Variants in SLC28A1 observed in about 807,000 individuals in gnomAD.
SLC28A1 encodes the protein solute carrier family 28 member 1, also known as sodium/nucleoside cotransporter 1.
SLC28A1 carries 64 observed loss-of-function variants against 74.8 expected under a neutral mutation model. The observed-to-expected ratio is 0.86, with a 90% confidence interval of 0.70 to 1.05. The LOEUF (loss-of-function observed/expected upper bound fraction) is 1.05, where lower values mean the gene tolerates loss of function less well. Ranked by LOEUF, SLC28A1 falls within the 50% of genes least tolerant of loss-of-function variation. The pLI, the probability that SLC28A1 is intolerant of heterozygous loss-of-function variation, is 0.00. For synonymous variants in SLC28A1, 359 were observed against 335.0 expected (o/e 1.07, Z -0.78); for missense variants, 828 against 822.8 (o/e 1.01, Z -0.08).
At position 84,924,109 on chromosome 15, in the gene SLC28A1, G is replaced by A. The variant is rs1366162702; in HGVS notation, c.1082G>A (p.Gly361Glu). The change falls in exon 12 of 19, where the codon GGG (glycine) becomes GAG (glutamate). Residue 361 changes from glycine to glutamate, a missense_variant and splice_region_variant. Physicochemically the swap from Gly to Glu is moderately conservative, Grantham distance 98. Coordinates refer to ENST00000394573, the MANE Select transcript of SLC28A1 (RefSeq NM_004213.5). ...CTGCTGGGTGCCTACATCTCCTTTG[G>A]GGTAGGTAGAGCCCTCCTTCTGCTT... ...GSLLGAYISFGIDATSLIAAS... is the reference protein window; with the variant it reads ...GSLLGAYISFEIDATSLIAAS... 4 of 1,612,524 alleles carry A rather than the reference G, an allele frequency of 2.5e-6. No homozygotes were observed. Among genetic ancestry groups the A allele is most frequent in the South Asian group, 1.1e-5 (1 of 91,026 alleles).
chr15:84,934,911 T>C, intron 13 of SLC28A1, 115 bp from the exon 14 acceptor site: 2 of 908,770 alleles, frequency 2.2e-6, no homozygotes, highest in Non-Finnish European at 1.8e-6. Context: ...CAGGGAAAAT[T>C]AGGATTTCCC....
rs556245410 is a variant in SLC28A1 at position 84,902,891 on chromosome 15, G to A, written c.462-1206G>A. Among the ~76,000 whole-genome samples, 19 of 152,076 alleles carry A rather than the reference G, an allele frequency of 1.2e-4. 1 individual carries two copies. The South Asian group carries it at 3.1e-3, about 25-fold the overall frequency. On this transcript the variant is annotated intron_variant, in intron 6 of 18. Transcript: ENST00000394573. Reference sequence around the variant, plus strand: ...ACTACAGGCACCCACTGCCACGCTCGGCTAATTTTTGAATTTTTAGTAGAG... The same window carrying A: ...ACTACAGGCACCCACTGCCACGCTCAGCTAATTTTTGAATTTTTAGTAGAG...
rs781741336 is a variant in SLC28A1, at chr15:84,935,075, G to A, written c.1264G>A (p.Val422Met). 14 of 1,613,958 alleles carry A rather than the reference G, an allele frequency of 8.7e-6. No individual in the cohort carries two copies. The highest frequency in any genetic ancestry group is 5.3e-5 in the African/African-American group (4 of 74,938). ...EAASTGAAISVKVVANIAANL... is the reference protein window; with the variant it reads ...EAASTGAAISMKVVANIAANL... The stretch of plus-strand genomic sequence containing the variant: ...AGCCAGCACTGGGGCCGCCATCTCC[G>A]TGAAGGTGGTCGCCAACATCGCTGC... Residue 422 changes from valine (V) to methionine (M), a missense_variant, in exon 14 of 19, where the codon GTG becomes ATG. This residue lies in a region of SLC28A1 where 767 missense variants were observed against 753.5 expected (regional missense o/e 1.02). Coordinates refer to ENST00000394573, the MANE Select transcript of SLC28A1 (RefSeq NM_004213.5).
chr15:84,911,858 CAAAA>C (rs57067372), intron 9 of SLC28A1, among the ~76,000 whole-genome samples: 4 of 114,696 alleles, frequency 3.5e-5, no homozygotes, highest in African/African-American at 3.5e-5. Flanking sequence ...GACTCCATCT[CAAAA>C]AAAAAAAAAA....
At chr15:84,960,533 C>T in the SLC28A1 span, among the ~76,000 whole-genome samples, 3 of 152,042 alleles carry the variant, frequency 2.0e-5, no homozygotes, top group Non-Finnish European at 2.9e-5. Flanking sequence ...GCTGGGATTA[C>T]AGGCATGATC....
chr15:84,917,991 T>A (rs1401774250), intron 9 of SLC28A1, among the ~76,000 whole-genome samples: 2 of 152,046 alleles, frequency 1.3e-5, no homozygotes, highest in Non-Finnish European at 2.9e-5. Context: ...AGATGCTGGC[T>A]CAGGTCCGGG....
At chr15:84,910,598 C>G (rs1416495033) in intron 9 of SLC28A1, among the ~76,000 whole-genome samples, 1 of 152,164 alleles carries the variant, frequency 6.6e-6, no homozygotes, top group Non-Finnish European at 1.5e-5. Context: ...TGTGGTGGTG[C>G]ATGCCTGTAA....
At chr15:84,923,243 A>C (rs996974593) in intron 11 of SLC28A1, among the ~76,000 whole-genome samples, 1 of 152,100 alleles carries the variant, frequency 6.6e-6, no homozygotes, top group Non-Finnish European at 1.5e-5. Context: ...TGGCCTACTC[A>C]GTTTTAAACA....
At chr15:84,912,800 G>GCA (rs1555449064) in intron 9 of SLC28A1, among the ~76,000 whole-genome samples, 6 of 51,688 alleles carry the variant, frequency 1.2e-4, no homozygotes, top group South Asian at 8.2e-4. Context: ...CAAATTTTGC[G>GCA]CGCGCGCACA....
At chr15:84,899,702 G>A (rs1245345386) in intron 6 of SLC28A1, among the ~76,000 whole-genome samples, 1 of 152,094 alleles carries the variant, frequency 6.6e-6, no homozygotes, top group East Asian at 1.9e-4. Flanking sequence ...TACAAAAGCT[G>A]AAATAATTTT....
chr15:84,924,204 G>C, intron 12 of SLC28A1, 94 bp downstream of exon 12: 1 of 1,414,802 alleles, frequency 7.1e-7, no homozygotes, highest in Non-Finnish European at 9.9e-7. Flanking sequence ...GCAGCCCTCA[G>C]ATCTTCTCTC....
At chr15:84,904,358 G>A in intron 7 of SLC28A1, 120 bp downstream of exon 7, 1 of 1,455,882 alleles carries the variant, frequency 6.9e-7, no homozygotes, top group Non-Finnish European at 9.5e-7. Flanking sequence ...TGGAGGCTCA[G>A]GGCCTGGAGA....
chr15:84,941,855 T>A (rs767755057), intron 15 of SLC28A1, among the ~76,000 whole-genome samples: 10 of 152,134 alleles, frequency 6.6e-5, no homozygotes, highest in Non-Finnish European at 1.2e-4. Flanking sequence ...CTGGAAAGTG[T>A]TAAATTCGTG....
intron 12 of SLC28A1, among the ~76,000 whole-genome samples, chr15:84,926,068 A>G (rs761979197): frequency 7.4e-5 from 11 of 147,688 alleles, no homozygotes; most frequent in Non-Finnish European, 1.5e-5. Context: ...TTTATTCTAT[A>G]TATAATATTT....
At chr15:84,896,453 G>T (rs1966007318) in intron 6 of SLC28A1, among the ~76,000 whole-genome samples, 1 of 152,230 alleles carries the variant, frequency 6.6e-6, no homozygotes, top group Non-Finnish European at 1.5e-5. Context: ...TGATGGCAAA[G>T]ATATGGAGAA....
At chr15:84,959,925 G>A in the SLC28A1 span, among the ~76,000 whole-genome samples, 2 of 152,174 alleles carry the variant, frequency 1.3e-5, no homozygotes, top group Non-Finnish European at 2.9e-5. Flanking sequence ...TGAGGAGTTG[G>A]GGAGGGATAA....
At chr15:84,910,298 G>T (rs1967951797) in intron 9 of SLC28A1, among the ~76,000 whole-genome samples, 1 of 152,192 alleles carries the variant, frequency 6.6e-6, no homozygotes, top group Non-Finnish European at 1.5e-5. Context: ...TTAGGGTAAC[G>T]AGCAGCTGCT....
At chr15:84,884,836 G>A (rs577583699) in intron 1 of SLC28A1, 85 bp downstream of exon 1, 1 of 676,552 alleles carries the variant, frequency 1.5e-6, no homozygotes, top group East Asian at 1.4e-4. Flanking sequence ...AAGTGGAAAA[G>A]CAGGTAGCGT....
At chr15:84,946,084 TCATATATATATA>T (rs1215083406), downstream of SLC28A1, among the ~76,000 whole-genome samples, 8 of 27,548 alleles carry the variant, frequency 2.9e-4, no homozygotes, top group East Asian at 5.5e-3. Context: ...GTGTGTATGT[TCATATATATATA>T]TATATATATA....
Sources: gnomAD v4.1 joint callset for allele counts (sites outside exome capture counted in the v4.1 genomes callset) on GRCh38, gnomAD v4.1.1 for gene constraint, gnomAD v4.1.1 regional missense constraint, MANE v1.5 for transcripts, NCBI Gene and HGNC (gene_info 2026-07-23, HGNC 2026-07-21) for gene names.